Variants in TRAF3IP3 observed in about 807,000 individuals in gnomAD.
TRAF3IP3 encodes the protein TRAF3 interacting protein 3.
In TRAF3IP3, 64 loss-of-function variants were observed where a neutral mutation model predicts 86.5. That is an observed-to-expected ratio of 0.74 (90% CI 0.60 to 0.91). The LOEUF is 0.91. Among genes scored for constraint, TRAF3IP3 ranks in the 40% least tolerant of loss-of-function variants. The pLI is 0.00. For missense variants in TRAF3IP3, 579 were observed against 642.9 expected (o/e 0.90, Z 1.07); for synonymous variants, 220 against 243.9 (o/e 0.90, Z 0.91).
At chr1:209,781,931 A>C (rs2077790483) in intron 16 of TRAF3IP3, 125 bp from the exon 17 acceptor site, 1 of 706,148 alleles carries the variant, frequency 1.4e-6, no homozygotes, top group African/African-American at 1.8e-5. Context: ...CAGAGTAAAA[A>C]GCTTTTTCTC....
chr1:209,769,830 A>C (rs985737783), intron 8 of TRAF3IP3, among the ~76,000 whole-genome samples: 1 of 152,252 alleles, frequency 6.6e-6, no homozygotes, highest in South Asian at 2.1e-4. Context: ...CAAGCGTCCC[A>C]CTTGGCCTGG....
chr1:209,756,783 G>C (rs979540037), intron 1 of TRAF3IP3, among the ~76,000 whole-genome samples: 7 of 152,160 alleles, frequency 4.6e-5, no homozygotes, highest in Non-Finnish European at 7.3e-5. Context: ...AAGTAAAAGC[G>C]AGACTCAGAA....
intron 6 of TRAF3IP3, 39 bp downstream of exon 6, chr1:209,763,131 G>C (rs541603778): frequency 1.3e-6 from 2 of 1,599,748 alleles, no homozygotes; most frequent in South Asian, 2.2e-5. Context: ...AAATCAGAAA[G>C]TATTAAGCTC....
At chr1:209,771,075 G>A (rs1277724535) in intron 8 of TRAF3IP3, among the ~76,000 whole-genome samples, 36 of 120,028 alleles carry the variant, frequency 3.0e-4, no homozygotes, top group African/African-American at 1.1e-3. Flanking sequence ...TGTGTGTGCA[G>A]GTGGAGGTGT....
chr1:209,758,929 A>G (rs2077199427), intron 1 of TRAF3IP3, 105 bp from the exon 2 acceptor site: 1 of 152,328 alleles, frequency 6.6e-6, no homozygotes, highest in African/African-American at 2.4e-5. Flanking sequence ...CTATGTGAAT[A>G]TCAGGTAAGG....
intron 3 of TRAF3IP3, 52 bp downstream of exon 3, chr1:209,760,436 C>G: frequency 6.9e-7 from 1 of 1,458,390 alleles, no homozygotes; most frequent in Non-Finnish European, 9.2e-7. Flanking sequence ...CCTCTCTGGA[C>G]AAGGAGGGTG....
At chr1:209,779,871 T>C (rs1259974831) in intron 14 of TRAF3IP3, 1 of 210,666 alleles carries the variant, frequency 4.7e-6, no homozygotes, top group African/African-American at 2.3e-5. Context: ...TTGGGCATAA[T>C]ATAATAGATA....
chr1:209,759,997 C>A lies in TRAF3IP3; in HGVS notation c.-43C>A. 1 of 1,542,690 alleles carries A rather than the reference C, an allele frequency of 6.5e-7. No homozygotes were observed. The highest frequency in any genetic ancestry group is 8.9e-7 in the Non-Finnish European group (1 of 1,122,242). ...CATTTGGCAGATCCAGGCATCTATTCCAGGAACTGGAAGCCAAGCGCAACA... is the reference window on the plus strand; with the variant it reads ...CATTTGGCAGATCCAGGCATCTATTACAGGAACTGGAAGCCAAGCGCAACA... On this transcript the variant is annotated 5_prime_UTR_variant, in exon 3 of 17. Transcript: ENST00000367025.
At chr1:209,763,269 T>C (rs1176694886) in intron 6 of TRAF3IP3, 94 bp from the exon 7 acceptor site, 3 of 1,488,600 alleles carry the variant, frequency 2.0e-6, no homozygotes, top group Non-Finnish European at 2.8e-6. Context: ...CAGAAGAGGT[T>C]TGCTCTACAC....
intron 8 of TRAF3IP3, among the ~76,000 whole-genome samples, chr1:209,766,195 C>G (rs1351826717): frequency 1.1e-4 from 16 of 152,178 alleles, no homozygotes; most frequent in Admixed American, 1.0e-3. Flanking sequence ...GACATTGTAC[C>G]TGGATTTCTC....
intron 14 of TRAF3IP3, 82 bp from the exon 15 acceptor site, chr1:209,780,388 C>A: frequency 7.5e-7 from 1 of 1,326,172 alleles, no homozygotes; most frequent in Non-Finnish European, 9.9e-7. Context: ...TCCCCTCTCC[C>A]CACTCCTAGT....
intron 9 of TRAF3IP3, among the ~76,000 whole-genome samples, chr1:209,773,712 G>C (rs1003755737): frequency 6.6e-6 from 1 of 152,230 alleles, no homozygotes; most frequent in African/African-American, 2.4e-5. Context: ...TCTTACAGGG[G>C]AAGAGAGTTT....
Position 209,775,470 on chromosome 1 carries a change from A to T in TRAF3IP3, c.896A>T (p.Gln299Leu). ...KVLEEKMNAE[Q>L]QLQSTQRSLA... is the part of the protein sequence containing the mutation. ...CTGGAGGAGAAAATGAATGCAGAGC[A>T]GCAACTACAGAGCACACAGGTATGG... is the stretch of plus-strand genomic sequence containing the variant. The change falls in exon 10 of 17, where the codon CAG (glutamine) becomes CTG (leucine). Residue 299 changes from glutamine (Q) to leucine (L), a missense_variant. By Grantham distance (113) the Gln-to-Leu change is moderately radical. Coordinates refer to ENST00000367025, the MANE Select transcript of TRAF3IP3 (RefSeq NM_025228.4). 1 of 1,614,244 alleles carries T rather than the reference A, an allele frequency of 6.2e-7. No individual in the cohort carries two copies. Among genetic ancestry groups the T allele is most frequent in the Non-Finnish European group, 8.5e-7 (1 of 1,180,050 alleles).
chr1:209,777,129 T>C (rs2077670167), intron 11 of TRAF3IP3: 2 of 364,518 alleles, frequency 5.5e-6, no homozygotes, highest in Non-Finnish European at 9.8e-6. Context: ...CGCGAGTTCC[T>C]TGTGAATATC....
intron 8 of TRAF3IP3, among the ~76,000 whole-genome samples, chr1:209,765,209 GAGA>G: frequency 7.3e-6 from 1 of 136,626 alleles, no homozygotes; most frequent in Non-Finnish European, 1.5e-5. Flanking sequence ...GAGAGAGAGA[GAGA>G]GGGAGAGAGA....
At chr1:209,776,839 C>T (rs895755599) in intron 11 of TRAF3IP3, 2 of 152,164 alleles carry the variant, frequency 1.3e-5, no homozygotes, top group Non-Finnish European at 2.9e-5. Context: ...TTTCCTAAAG[C>T]AATTCTTATT....
chr1:209,761,791 TC>T (rs2077249450), intron 3 of TRAF3IP3, among the ~76,000 whole-genome samples: 1 of 152,148 alleles, frequency 6.6e-6, no homozygotes. Context: ...TGAACCCAGA[TC>T]CCCTCACTCC....
intron 13 of TRAF3IP3, 140 bp from the exon 14 acceptor site, chr1:209,779,175 A>T (rs561781101): frequency 1.5e-6 from 1 of 645,892 alleles, no homozygotes; most frequent in Admixed American, 2.7e-5. Context: ...GGACTTCAAC[A>T]TATATATTCT....
At chr1:209,772,168 TCAAAAA>T (rs1281857515) in intron 8 of TRAF3IP3, among the ~76,000 whole-genome samples, 6 of 152,052 alleles carry the variant, frequency 3.9e-5, no homozygotes, top group African/African-American at 1.4e-4. Flanking sequence ...CAGGGGAACT[TCAAAAA>T]CAAACTTATT....
Sources: allele counts gnomAD v4.1 joint callset (sites outside exome capture counted in the v4.1 genomes callset), GRCh38; gene constraint gnomAD v4.1.1; transcripts MANE v1.5; gene names NCBI Gene and HGNC (gene_info 2026-07-23, HGNC 2026-07-21).